The following IKBKE variants were observed in gnomAD, a reference collection of about 807,000 sequenced individuals.
IKBKE encodes the protein inhibitor of nuclear factor kappa B kinase subunit epsilon.
A neutral mutation model predicts 92.1 loss-of-function variants in IKBKE; 45 were observed. The observed-to-expected ratio is 0.49, with a 90% CI of 0.38 to 0.63. IKBKE has a LOEUF of 0.63. IKBKE is among the 20% of genes least tolerant of loss of function. The pLI is 0.00. For missense variants in IKBKE, 700 were observed against 932.8 expected (o/e 0.75, Z 3.25); for synonymous variants, 374 against 380.3 (o/e 0.98, Z 0.19).
rs1665197956 is a variant in IKBKE, at chr1:206,478,551, T to C, written c.992+212T>C. 1.3e-5 allele frequency among the ~76,000 whole-genome samples: 2 copies of C among 152,252 alleles called. No individual in the cohort carries two copies. Among genetic ancestry groups the C allele is most frequent in the South Asian group, 4.1e-4 (2 of 4,834 alleles). ...TTCAGAGAGTCAGTACCTTTTCTAA[T>C]GCTAATATGCATTATACATCTGAGA... On this transcript the variant is annotated intron_variant, in intron 9 of 21. Coordinates refer to ENST00000581977, the MANE Select transcript of IKBKE (RefSeq NM_014002.4). The surrounding 1 kb of genome is among the most constrained non-coding windows in gnomAD (Gnocchi z 4.8).
In IKBKE at chr1:206,478,033, A is replaced by G. The variant is rs1363658760; in HGVS notation, c.813-127A>G. 6 of 800,880 alleles carry G rather than the reference A, an allele frequency of 7.5e-6. No individual in the cohort carries two copies. The East Asian group carries it at 1.4e-4, about 18-fold the overall frequency. The allele number at this position is 800,880 out of a possible 1,614,324, so 49.6% of individuals were successfully genotyped here. A position where few individuals can be genotyped will look rare whatever the true frequency, so the allele number is the denominator to read the frequency against. ...GAGTTCTTCCAGCTCTTCCTCCCCAACCCACCCTGCCCCACCATCTTGGTC... is the reference window on the plus strand; with the variant it reads ...GAGTTCTTCCAGCTCTTCCTCCCCAGCCCACCCTGCCCCACCATCTTGGTC... On this transcript the variant is annotated intron_variant, in intron 8 of 21. Transcript: ENST00000581977. This position sits in a 1 kb window ranked among gnomAD's most constrained non-coding sequence, Gnocchi z 4.8.
Position 206,478,964 on chromosome 1 carries a change from C to T in IKBKE, c.1014C>T (p.Ala338=), listed in dbSNP as rs781802989. ...CTAGGATAGCCATTTTCCAGGAGGCCGTGCACAAGCAGACCAGTGTGGCCC... is the reference window on the plus strand; with the variant it reads ...CTAGGATAGCCATTTTCCAGGAGGCTGTGCACAAGCAGACCAGTGTGGCCC... ...AHNTIAIFQE[A]VHKQTSVAPR... is the part of the protein sequence containing the mutation. The change falls in exon 10 of 22, where the codon GCC becomes GCT. Residue 338 remains alanine, a synonymous_variant. Transcript: ENST00000581977. The surrounding 1 kb of genome is among the most constrained non-coding windows in gnomAD (Gnocchi z 4.8). 2.5e-5 allele frequency: 41 copies of T among 1,613,988 alleles called. No individual in the cohort carries two copies. The highest frequency in any genetic ancestry group is 3.1e-5 in the Non-Finnish European group (36 of 1,180,026).
At chr1:206,489,799 A>G (rs1350738816) in intron 16 of IKBKE, among the ~76,000 whole-genome samples, 1 of 152,222 alleles carries the variant, frequency 6.6e-6, no homozygotes, top group African/African-American at 2.4e-5. Context: ...TAAGTAGCCC[A>G]AGTAATCTAG....
At chr1:206,477,306 G>A (rs975882710) in intron 7 of IKBKE, among the ~76,000 whole-genome samples, 1 of 152,202 alleles carries the variant, frequency 6.6e-6, no homozygotes, top group Non-Finnish European at 1.5e-5. Flanking sequence ...GGCTTAGTGG[G>A]AAGGTTGCTG....
At chr1:206,481,221 C>T (rs113419720) in intron 13 of IKBKE, among the ~76,000 whole-genome samples, 714 of 152,304 alleles carry the variant, frequency 4.7e-3, no homozygotes, top group Non-Finnish European at 8.3e-3. Flanking sequence ...GGCCATGGTA[C>T]GGGTGAGGGT....
In IKBKE at chr1:206,493,301, C is replaced by G; in HGVS notation, c.1968C>G (p.Asp656Glu). ...LEELSHQLLQ[D>E]RAKGAQASPP... Reference sequence around the variant, plus strand: ...AGCTATCTCACCAGCTCCTTCAGGACCGAGCAAAGGGGGCTCAGGCCTCGC... The same window carrying G: ...AGCTATCTCACCAGCTCCTTCAGGAGCGAGCAAAGGGGGCTCAGGCCTCGC... Residue 656 changes from aspartate (D) to glutamate (E), a missense_variant, in exon 20 of 22, where the codon GAC becomes GAG. Physicochemically the swap from Asp to Glu is conservative, Grantham distance 45. Coordinates refer to ENST00000581977, the MANE Select transcript of IKBKE (RefSeq NM_014002.4). The G allele has an allele frequency of 6.2e-7, 1 of 1,614,032 alleles. No homozygotes were observed. Among genetic ancestry groups the G allele is most frequent in the East Asian group, 2.2e-5 (1 of 44,878 alleles).
At chr1:206,480,639 C>G (rs924976460) in intron 13 of IKBKE, 106 bp downstream of exon 13, 2 of 809,848 alleles carry the variant, frequency 2.5e-6, no homozygotes, top group Non-Finnish European at 4.1e-6. Flanking sequence ...GCCAGGGCTA[C>G]TGCCTTCCCT....
At chr1:206,494,934 G>A (rs1235677242) in intron 21 of IKBKE, among the ~76,000 whole-genome samples, 4 of 142,206 alleles carry the variant, frequency 2.8e-5, no homozygotes, top group Non-Finnish European at 6.0e-5. Flanking sequence ...AAGAAAACTC[G>A]AGAACAACAG....
rs1297568821 is a variant in IKBKE at position 206,471,194 on chromosome 1, T to G, written c.-84T>G. The G allele has an allele frequency of 6.6e-6, 1 of 151,974 alleles. No individual in the cohort carries two copies. Among genetic ancestry groups the G allele is most frequent in the Non-Finnish European group, 1.5e-5 (1 of 68,096 alleles). 9.4% of individuals were successfully genotyped at this position (151,974 alleles called of 1,614,324 possible). A position where few individuals can be genotyped will look rare whatever the true frequency, so the allele number is the denominator to read the frequency against. The stretch of plus-strand genomic sequence containing the variant: ...CGTGCCACAGACAGAAAGCATAACA[T>G]ACACTCGCCAGGAAGAGCCTTTGCC... On this transcript the variant is annotated 5_prime_UTR_variant, in exon 2 of 22. Transcript: ENST00000581977.
rs1665964848 is a variant in IKBKE at position 206,491,832 on chromosome 1, C to T, written c.1835+83C>T. On this transcript the variant is annotated intron_variant, in intron 18 of 21. Transcript: ENST00000581977. ...CAGAGGACCCAGGGCTTTGTGGAGC[C>T]CTGAGGCAGAGGGAGGAGTGAGTGA... is the stretch of plus-strand genomic sequence containing the variant. 6 of 986,028 alleles carry T rather than the reference C, an allele frequency of 6.1e-6. No homozygotes were observed. In the Admixed American group the frequency reaches 1.1e-4, roughly 18 times the overall value. 61.1% of individuals were successfully genotyped at this position (986,028 alleles called of 1,614,324 possible). A position where few individuals can be genotyped will look rare whatever the true frequency, so the allele number is the denominator to read the frequency against.
rs1241331967 is a variant in IKBKE at position 206,480,438 on chromosome 1, C to T, written c.1341-9C>T. On this transcript the variant is annotated splice_polypyrimidine_tract_variant and intron_variant, in intron 12 of 21. Coordinates refer to ENST00000581977, the MANE Select transcript of IKBKE (RefSeq NM_014002.4). Reference sequence around the variant, plus strand: ...CAAGGCAGCTCTGACTCAGTCTCCCCTTGGACAGGGAGGTGCTCCAGGCCA... The same window carrying T: ...CAAGGCAGCTCTGACTCAGTCTCCCTTTGGACAGGGAGGTGCTCCAGGCCA... 6.2e-7 allele frequency: 1 copy of T among 1,612,118 alleles called. No individual in the cohort carries two copies. Among genetic ancestry groups the T allele is most frequent in the Non-Finnish European group, 8.5e-7 (1 of 1,178,442 alleles).
At position 206,487,879 on chromosome 1, in the gene IKBKE, T is replaced by C. The variant is rs1553389186; in HGVS notation, c.1617-35T>C. 6.3e-7 allele frequency: 1 copy of C among 1,577,350 alleles called. No individual in the cohort carries two copies. Among genetic ancestry groups the C allele is most frequent in the Admixed American group, 1.7e-5 (1 of 59,376 alleles). ...CCCTCTTTCCTCTGTGCTATTAGAT[T>C]CTTCCAACACCTGGTCCCTGTCTCC... On this transcript the variant is annotated intron_variant, in intron 15 of 21. Transcript: ENST00000581977. This position sits in a 1 kb window ranked among gnomAD's most constrained non-coding sequence, Gnocchi z 5.3.
At chr1:206,491,784 C>A in intron 18 of IKBKE, 35 bp downstream of exon 18, 2 of 1,482,992 alleles carry the variant, frequency 1.3e-6, no homozygotes, top group Non-Finnish European at 1.9e-6. Flanking sequence ...GAGCCCAGGG[C>A]CTGGCCTGGC....
At chr1:206,477,355 A>G (rs113635276) in intron 7 of IKBKE, among the ~76,000 whole-genome samples, 24 of 152,138 alleles carry the variant, frequency 1.6e-4, no homozygotes, top group African/African-American at 4.8e-4. Context: ...TGTGGAACCT[A>G]TATCAGGCCC....
rs782370704 is a variant in IKBKE at position 206,491,837 on chromosome 1, G to A, written c.1835+88G>A. 2.2e-4 allele frequency: 201 copies of A among 908,660 alleles called. 1 individual carries two copies. Among genetic ancestry groups the A allele is most frequent in the Non-Finnish European group, 3.5e-4 (190 of 550,584 alleles). The allele number at this position is 908,660 out of a possible 1,614,324, so 56.3% of individuals were successfully genotyped here. A position where few individuals can be genotyped will look rare whatever the true frequency, so the allele number is the denominator to read the frequency against. Reference sequence around the variant, plus strand: ...GACCCAGGGCTTTGTGGAGCCCTGAGGCAGAGGGAGGAGTGAGTGAAGGGG... The same window carrying A: ...GACCCAGGGCTTTGTGGAGCCCTGAAGCAGAGGGAGGAGTGAGTGAAGGGG... On this transcript the variant is annotated intron_variant, in intron 18 of 21. Transcript: ENST00000581977.
intron 13 of IKBKE, among the ~76,000 whole-genome samples, chr1:206,480,995 C>T (rs1665354886): frequency 6.6e-6 from 1 of 152,142 alleles, no homozygotes; most frequent in South Asian, 2.1e-4. Flanking sequence ...TTCAACTTAT[C>T]CTTGCCTTCC....
At position 206,476,968 on chromosome 1, in the gene IKBKE, G is replaced by A. The variant is rs1665102597; in HGVS notation, c.701+130G>A. The stretch of plus-strand genomic sequence containing the variant: ...TCCTCTGGTCCACCCCCCAACCCAG[G>A]CTCTTTGTAGATCTTTTTTTGTTAA... On this transcript the variant is annotated intron_variant, in intron 7 of 21. Transcript: ENST00000581977. This position sits in a 1 kb window ranked among gnomAD's most constrained non-coding sequence, Gnocchi z 5.1. 3.2e-6 allele frequency: 3 copies of A among 942,232 alleles called. No individual in the cohort carries two copies. The highest frequency in any genetic ancestry group is 3.3e-5 in the African/African-American group (2 of 60,588). 58.4% of individuals were successfully genotyped at this position (942,232 alleles called of 1,614,324 possible).
chr1:206,487,909 C>T lies in IKBKE; in HGVS notation c.1617-5C>T, dbSNP rs372724306. 1.2e-5 allele frequency: 19 copies of T among 1,612,432 alleles called. No homozygotes were observed. Among genetic ancestry groups the T allele is most frequent in the Non-Finnish European group, 1.5e-5 (18 of 1,179,010 alleles). ...CAACACCTGGTCCCTGTCTCCTGCC[C>T]ACAGCATCCAGCAGATTCAGTGCTG... On this transcript the variant is annotated splice_polypyrimidine_tract_variant and splice_region_variant and intron_variant, in intron 15 of 21. Transcript: ENST00000581977. The surrounding 1 kb of genome is among the most constrained non-coding windows in gnomAD (Gnocchi z 5.3).
At chr1:206,479,694 T>G (rs1665266841) in intron 10 of IKBKE, among the ~76,000 whole-genome samples, 176 bp from the exon 11 acceptor site, 1 of 152,146 alleles carries the variant, frequency 6.6e-6, no homozygotes, top group South Asian at 2.1e-4. Flanking sequence ...AAGGTGGCAG[T>G]GAGGGATCAC....
Sources: gnomAD v4.1 joint callset for allele counts (sites outside exome capture counted in the v4.1 genomes callset) on GRCh38, gnomAD v4.1.1 for gene constraint, Gnocchi (gnomAD v3.1) non-coding constraint, MANE v1.5 for transcripts, NCBI Gene and HGNC (gene_info 2026-07-23, HGNC 2026-07-21) for gene names.